Variants in CNTNAP2 observed in about 807,000 individuals in gnomAD.
CNTNAP2 encodes the protein contactin-associated protein-like 2.
In CNTNAP2, 98 loss-of-function variants were observed where a neutral mutation model predicts 155.2. The ratio of observed to expected loss-of-function variants is 0.63; its 90% CI spans 0.54 to 0.75. The LOEUF is 0.75. CNTNAP2 is among the 30% of genes least tolerant of loss of function. The pLI is 0.00. For missense variants in CNTNAP2, 1,727 were observed against 1,688.1 expected (o/e 1.02, Z -0.40); for synonymous variants, 651 against 631.2 (o/e 1.03, Z -0.47).
chr7:147,107,830 G>A lies in CNTNAP2; in HGVS notation c.551-317G>A, dbSNP rs537411153. Among the ~76,000 whole-genome samples, 8 of 152,062 alleles carry A rather than the reference G, an allele frequency of 5.3e-5. 1 individual carries two copies. The highest frequency in any genetic ancestry group is 1.7e-4 in the African/African-American group (7 of 41,498). ...TCTGTTTGAGATTTAAAAATTTTAC[G>A]ATTTTGGTCTAAACTCTAGATTTCT... On this transcript the variant is annotated intron_variant, in intron 4 of 23. Transcript: ENST00000361727.
intron 3 of CNTNAP2, among the ~76,000 whole-genome samples, chr7:146,908,764 A>G (rs1057158018): frequency 1.2e-4 from 16 of 139,124 alleles, no homozygotes; most frequent in African/African-American, 4.3e-4. Context: ...GAGCAAACAC[A>G]TTCAAAAGCT....
At chr7:148,077,100 G>A (rs965539346) in intron 15 of CNTNAP2, among the ~76,000 whole-genome samples, 3 of 152,046 alleles carry the variant, frequency 2.0e-5, no homozygotes, top group Non-Finnish European at 4.4e-5. Flanking sequence ...CTGAGGTCGG[G>A]AGTTCGATAC....
chr7:146,899,735 A>G (rs1378420612), intron 3 of CNTNAP2, among the ~76,000 whole-genome samples: 2 of 152,164 alleles, frequency 1.3e-5, no homozygotes, highest in East Asian at 3.9e-4. Flanking sequence ...TGTCTCAGTA[A>G]TATGCATTCA....
chr7:147,543,586 A>C (rs746145481), intron 11 of CNTNAP2, among the ~76,000 whole-genome samples: 2 of 152,162 alleles, frequency 1.3e-5, no homozygotes, highest in Non-Finnish European at 2.9e-5. Flanking sequence ...ACAACTCTAT[A>C]ATAAGGACAT....
At chr7:146,894,460 T>G (rs1309287386) in intron 3 of CNTNAP2, among the ~76,000 whole-genome samples, 1 of 152,170 alleles carries the variant, frequency 6.6e-6, no homozygotes, top group Non-Finnish European at 1.5e-5. Context: ...TTCTTGTTTT[T>G]GTTTTGTTTT....
intron 1 of CNTNAP2, among the ~76,000 whole-genome samples, chr7:146,528,965 A>G (rs1183697361): frequency 1.3e-5 from 2 of 152,226 alleles, no homozygotes; most frequent in African/African-American, 4.8e-5. Context: ...ATAAAACACA[A>G]AAATCTAAGA....
chr7:147,985,065 A>G (rs1265938996), intron 15 of CNTNAP2, among the ~76,000 whole-genome samples: 1 of 152,092 alleles, frequency 6.6e-6, no homozygotes, highest in Non-Finnish European at 1.5e-5. Flanking sequence ...CAGTGAGCCG[A>G]AATCACGCCA....
At chr7:147,534,803 T>A (rs1408519989) in intron 11 of CNTNAP2, among the ~76,000 whole-genome samples, 1 of 152,148 alleles carries the variant, frequency 6.6e-6, no homozygotes, top group Non-Finnish European at 1.5e-5. Flanking sequence ...TATCCACTCG[T>A]TGAAATTTAT....
At chr7:146,948,948 G>C (rs1000775077) in intron 3 of CNTNAP2, among the ~76,000 whole-genome samples, 8 of 152,140 alleles carry the variant, frequency 5.3e-5, no homozygotes, top group African/African-American at 1.9e-4. Flanking sequence ...AGGCTTTAGG[G>C]GAAGTGTGAT....
At chr7:147,410,573 G>A (rs903658039) in intron 10 of CNTNAP2, among the ~76,000 whole-genome samples, 2 of 152,134 alleles carry the variant, frequency 1.3e-5, no homozygotes, top group African/African-American at 4.8e-5. Context: ...ACAAAGAAAT[G>A]CAGGTAGTGA....
intron 2 of CNTNAP2, among the ~76,000 whole-genome samples, chr7:146,788,142 A>G (rs1004732615): frequency 1.3e-5 from 2 of 152,280 alleles, no homozygotes; most frequent in South Asian, 2.1e-4. Flanking sequence ...TTGTCCCCCA[A>G]ACAAGCCCAG....
intron 13 of CNTNAP2, among the ~76,000 whole-genome samples, chr7:147,738,946 C>T (rs369617461): frequency 9.9e-5 from 15 of 152,158 alleles, no homozygotes; most frequent in African/African-American, 2.4e-4. Flanking sequence ...TGAGCCACTG[C>T]GCCCGGGCAA....
chr7:146,767,267 A>C (rs1194021642), intron 1 of CNTNAP2, among the ~76,000 whole-genome samples: 1 of 152,216 alleles, frequency 6.6e-6, no homozygotes, highest in Non-Finnish European at 1.5e-5. Flanking sequence ...GCAGAGCCTA[A>C]TATAAATAAT....
At chr7:146,907,430 C>G (rs1157680007) in intron 3 of CNTNAP2, among the ~76,000 whole-genome samples, 1 of 146,240 alleles carries the variant, frequency 6.8e-6, no homozygotes, top group Non-Finnish European at 1.5e-5. Context: ...AAGGGAAGCC[C>G]ATCAGACTAA....
At chr7:147,980,866 G>C (rs1054724409) in intron 15 of CNTNAP2, among the ~76,000 whole-genome samples, 17 of 147,520 alleles carry the variant, frequency 1.2e-4, no homozygotes, top group African/African-American at 4.0e-4. Flanking sequence ...GGGAGGCGGA[G>C]CTTGCAGTGA....
intron 1 of CNTNAP2, among the ~76,000 whole-genome samples, chr7:146,297,187 A>G (rs1432639749): frequency 6.6e-6 from 1 of 152,158 alleles, no homozygotes; most frequent in Non-Finnish European, 1.5e-5. Flanking sequence ...TAGATGATAT[A>G]TAGAAAAACA....
chr7:147,801,672 G>A (rs1206660968), intron 13 of CNTNAP2, among the ~76,000 whole-genome samples: 1 of 152,192 alleles, frequency 6.6e-6, no homozygotes, highest in African/African-American at 2.4e-5. Context: ...TCCCAAGACA[G>A]AAGAATTTAT....
chr7:146,578,684 A>C (rs1204712732), intron 1 of CNTNAP2, among the ~76,000 whole-genome samples: 1 of 152,128 alleles, frequency 6.6e-6, no homozygotes, highest in Non-Finnish European at 1.5e-5. Flanking sequence ...TTTATAAATG[A>C]GAAAATTAAA....
intron 3 of CNTNAP2, among the ~76,000 whole-genome samples, chr7:146,842,843 G>C (rs1326976192): frequency 6.6e-6 from 1 of 150,638 alleles, no homozygotes; most frequent in Non-Finnish European, 1.5e-5. Context: ...CCGCCACCAC[G>C]CCCGGCTAAT....
Sources: allele counts gnomAD v4.1 joint callset (sites outside exome capture counted in the v4.1 genomes callset), GRCh38; gene constraint gnomAD v4.1.1; transcripts MANE v1.5; gene names NCBI Gene and HGNC (gene_info 2026-07-23, HGNC 2026-07-21).